MIS18BP1: variants seen among roughly 807,000 people sequenced by gnomAD.
The protein encoded by MIS18BP1 is MIS18 binding protein 1.
A neutral mutation model predicts 116.1 loss-of-function variants in MIS18BP1; 72 were observed. That is an observed-to-expected ratio of 0.62 (90% confidence interval 0.51 to 0.75). The LOEUF (loss-of-function observed/expected upper bound fraction) is 0.75. Among genes scored for constraint, MIS18BP1 ranks in the 30% least tolerant of loss-of-function variants. MIS18BP1 has a pLI of 0.00. For synonymous variants in MIS18BP1, 386 were observed against 427.0 expected (o/e 0.90, Z 1.18); for missense variants, 1,363 against 1,303.2 (o/e 1.05, Z -0.71).
chr14:45,227,590 C>T lies in MIS18BP1; in HGVS notation c.1746+73G>A, dbSNP rs1019507456. 11 of 1,319,178 alleles carry T rather than the reference C, an allele frequency of 8.3e-6. No individual in the cohort carries two copies. In the African/African-American group the frequency reaches 1.6e-4, roughly 20 times the overall value. 81.7% of individuals were successfully genotyped at this position (1,319,178 alleles called of 1,614,324 possible). On this transcript the variant is annotated intron_variant, in intron 9 of 16. Transcript: ENST00000310806. ...ACAGAACTCACGTCCCTGATATGGTCCCAAACCTTTTCAGTAGTAAATCAC... is the reference window on the plus strand; with the variant it reads ...ACAGAACTCACGTCCCTGATATGGTTCCAAACCTTTTCAGTAGTAAATCAC...
At chr14:45,216,802 G>C (rs1011512909) in intron 13 of MIS18BP1, among the ~76,000 whole-genome samples, 1 of 151,966 alleles carries the variant, frequency 6.6e-6, no homozygotes, top group Non-Finnish European at 1.5e-5. Flanking sequence ...TTACTGTTTG[G>C]TTCTACAAAC....
At chr14:45,236,000 C>T in intron 5 of MIS18BP1, 56 bp from the exon 6 acceptor site, 1 of 1,464,048 alleles carries the variant, frequency 6.8e-7, no homozygotes, top group African/African-American at 1.4e-5. Context: ...AAATTTCTAA[C>T]AGAAAATAAT....
Position 45,204,503 on chromosome 14 carries a change from T to C in MIS18BP1, c.3241-50A>G, listed in dbSNP as rs199751747. On this transcript the variant is annotated intron_variant, in intron 15 of 16. Coordinates refer to ENST00000310806, the MANE Select transcript of MIS18BP1 (RefSeq NM_018353.5). ...CTAAATGGTACCTCCTGGTGAAGTCTACCTCAAATCTAGACAAAATTAAGC... is the reference window on the plus strand; with the variant it reads ...CTAAATGGTACCTCCTGGTGAAGTCCACCTCAAATCTAGACAAAATTAAGC... 106 of 1,407,920 alleles carry C rather than the reference T, an allele frequency of 7.5e-5. No individual in the cohort carries two copies. The East Asian group carries it at 1.0e-3, about 14-fold the overall frequency. The allele number at this position is 1,407,920 out of a possible 1,614,324, so 87.2% of individuals were successfully genotyped here.
chr14:45,223,838 A>T (rs1370555675), intron 11 of MIS18BP1, 80 bp downstream of exon 11: 1 of 1,035,004 alleles, frequency 9.7e-7, no homozygotes, highest in Non-Finnish European at 1.4e-6. Context: ...TTCCATGTTA[A>T]CCCCTTATTG....
intron 11 of MIS18BP1, among the ~76,000 whole-genome samples, chr14:45,219,931 CAAACTT>C (rs1282391196): frequency 1.3e-5 from 2 of 152,114 alleles, no homozygotes; most frequent in Non-Finnish European, 2.9e-5. Flanking sequence ...TTTAAAAAGA[CAAACTT>C]AAACATATCA....
At chr14:45,219,653 G>C (rs1231196937) in intron 11 of MIS18BP1, among the ~76,000 whole-genome samples, 1 of 152,244 alleles carries the variant, frequency 6.6e-6, no homozygotes, top group East Asian at 1.9e-4. Context: ...ACAGCTACCA[G>C]CTGACCACAG....
chr14:45,223,457 G>A lies in MIS18BP1; in HGVS notation c.2669+461C>T, dbSNP rs113816250. On this transcript the variant is annotated intron_variant, in intron 11 of 16. Transcript: ENST00000310806. Reference sequence around the variant, plus strand: ...CCAGGCGTGGCAGCGTGCGCCTGTAGTCCCAGCTACTCAGGAGGCTGAGGC... The same window carrying A: ...CCAGGCGTGGCAGCGTGCGCCTGTAATCCCAGCTACTCAGGAGGCTGAGGC... Among the ~76,000 whole-genome samples, 1,103 of 152,216 alleles carry A rather than the reference G, an allele frequency of 7.2e-3. 21 individuals are homozygous for A. Among genetic ancestry groups the A allele is most frequent in the African/African-American group, 0.025 (1,049 of 41,540 alleles).
rs34101857 is a variant in MIS18BP1 at position 45,226,834 on chromosome 14, T to G, written c.1749A>C (p.Glu583Asp). The change falls in exon 10 of 17, where the codon GAA becomes GAC. Residue 583 changes from glutamate (E) to aspartate (D), a missense_variant and splice_region_variant. Transcript: ENST00000310806. ...TTTTATATTCTTTTTTTCCAATTAA[T>G]TCCTTCAAAACAAAAAGATACCTAG... ...NGGGDDLSNQ[E>D]LIGKKEYKMS... The G allele has an allele frequency of 0.091, 125,021 of 1,369,050 alleles. 6,463 individuals carry two copies. The highest frequency in any genetic ancestry group is 0.16 in the South Asian group (10,719 of 67,924). The allele number at this position is 1,369,050 out of a possible 1,614,324, so 84.8% of individuals were successfully genotyped here.
In MIS18BP1 at chr14:45,227,823, A is replaced by T; in HGVS notation, c.1595-9T>A. ...CTTATTACTCTTCAGTTCTATGAAT[A>T]CAAAGATGGAGATTTCAATAAATGG... On this transcript the variant is annotated splice_polypyrimidine_tract_variant and intron_variant, in intron 8 of 16. Transcript: ENST00000310806. 1 of 1,609,726 alleles carries T rather than the reference A, an allele frequency of 6.2e-7. No homozygotes were observed. The highest frequency in any genetic ancestry group is 8.5e-7 in the Non-Finnish European group (1 of 1,178,084).
Position 45,210,379 on chromosome 14 carries a change from C to G in MIS18BP1, c.3152+1G>C. On this transcript the variant is annotated splice_donor_variant, in intron 14 of 16. Coordinates refer to ENST00000310806, the MANE Select transcript of MIS18BP1 (RefSeq NM_018353.5). LOFTEE classifies it high-confidence loss of function. ...AACATATCATATGCATGAATATTTA[C>G]CTATTTATAGAACCTAGCATGCCAG... 6.2e-7 allele frequency: 1 copy of G among 1,612,600 alleles called. No individual in the cohort carries two copies. Among genetic ancestry groups the G allele is most frequent in the Non-Finnish European group, 8.5e-7 (1 of 1,179,548 alleles).
intron 13 of MIS18BP1, among the ~76,000 whole-genome samples, chr14:45,211,703 G>T (rs993540863): frequency 3.9e-5 from 6 of 152,182 alleles, no homozygotes; most frequent in African/African-American, 1.4e-4. Context: ...TTCACAGGAG[G>T]CTCCAGACAC....
intron 4 of MIS18BP1, among the ~76,000 whole-genome samples, chr14:45,239,825 A>G (rs190728765): frequency 6.6e-6 from 1 of 152,328 alleles, no homozygotes; most frequent in East Asian, 1.9e-4. Context: ...GGCCGCATTC[A>G]GGAGAGTAGA....
intron 11 of MIS18BP1, 23 bp downstream of exon 11, chr14:45,223,895 C>T (rs769693660): frequency 3.3e-6 from 5 of 1,498,692 alleles, no homozygotes; most frequent in Admixed American, 2.2e-5. Flanking sequence ...GTAGATATTT[C>T]GGAATGAAAT....
chr14:45,226,553 G>C (rs1393023910), intron 10 of MIS18BP1, among the ~76,000 whole-genome samples, 190 bp downstream of exon 10: 1 of 152,078 alleles, frequency 6.6e-6, no homozygotes, highest in African/African-American at 2.4e-5. Context: ...TGTAAGTATA[G>C]GTGGTTTTTA....
At chr14:45,232,440 AAC>A in intron 7 of MIS18BP1, 2 of 234,858 alleles carry the variant, frequency 8.5e-6, no homozygotes, top group South Asian at 4.9e-5. Context: ...AAAAAAAAAC[AAC>A]AACAAAAAAA....
At position 45,247,076 on chromosome 14, in the gene MIS18BP1, T is replaced by C. The variant is rs769988481; in HGVS notation, c.211A>G (p.Asn71Asp). The C allele has an allele frequency of 5.6e-6, 9 of 1,612,378 alleles. No homozygotes were observed. The Admixed American group carries it at 1.2e-4, about 21-fold the overall frequency. Residue 71 changes from asparagine (N) to aspartate (D), a missense_variant, in exon 2 of 17, where the codon AAT (asparagine) becomes GAT (aspartate). By Grantham distance (23) the Asn-to-Asp change is conservative (BLOSUM62 1). Transcript: ENST00000310806. Reference protein sequence around the residue: ...NQFLKMTTFNNKNIFQSTMLT... With the variant: ...NQFLKMTTFNDKNIFQSTMLT... ...ATAGTTGATTGAAATATATTTTTAT[T>C]GTTAAAAGTTGTCATTTTTAGGAAC...
chr14:45,223,321 A>C (rs1594510112), intron 11 of MIS18BP1, among the ~76,000 whole-genome samples: 1 of 152,196 alleles, frequency 6.6e-6, no homozygotes, highest in African/African-American at 2.4e-5. Flanking sequence ...GCTTATGCCT[A>C]TAATCCCAGC....
intron 6 of MIS18BP1, among the ~76,000 whole-genome samples, chr14:45,235,318 G>C (rs4900667): frequency 0.079 from 11,953 of 151,900 alleles, 622 homozygotes; most frequent in South Asian, 0.16. Flanking sequence ...CCACGATGTT[G>C]TTCCAGGCTT....
At chr14:45,239,464 A>G (rs1330757621) in intron 4 of MIS18BP1, among the ~76,000 whole-genome samples, 1 of 151,508 alleles carries the variant, frequency 6.6e-6, no homozygotes, top group East Asian at 1.9e-4. Flanking sequence ...AAGCACAGAG[A>G]GTCAGCGCAG....
Sources: allele counts gnomAD v4.1 joint callset (sites outside exome capture counted in the v4.1 genomes callset), GRCh38; gene constraint gnomAD v4.1.1; transcripts MANE v1.5; gene names NCBI Gene and HGNC (gene_info 2026-07-23, HGNC 2026-07-21).